The following MVK variants were observed in gnomAD, a reference collection of about 807,000 sequenced individuals.
MVK encodes the protein mevalonate kinase.
A neutral mutation model predicts 43.2 loss-of-function variants in MVK; 34 were observed. The ratio of observed to expected loss-of-function variants is 0.79; its 90% CI spans 0.60 to 1.05. The LOEUF (loss-of-function observed/expected upper bound fraction) is 1.05. MVK is among the 50% of genes least tolerant of loss of function. MVK has a pLI of 0.00. For missense variants in MVK, 395 were observed against 504.0 expected, an observed-to-expected ratio of 0.78 and a Z score of 2.07; for synonymous variants, 190 against 219.8, an observed-to-expected ratio of 0.86 and a Z score of 1.20.
chr12:109,586,277 A>G, intron 6 of MVK, 152 bp downstream of exon 6: 1 of 734,136 alleles, frequency 1.4e-6, no homozygotes, highest in Non-Finnish European at 2.3e-6. Flanking sequence ...GAATGGGGAG[A>G]AATCTTGGGG....
chr12:109,587,137 G>A (rs555698548), intron 7 of MVK: 31 of 352,100 alleles, frequency 8.8e-5, no homozygotes, highest in Non-Finnish European at 1.3e-4. Flanking sequence ...TGCTGCACTG[G>A]GGCGTAGGAA....
In MVK at chr12:109,576,072, C is replaced by G. The variant is rs1207622143; in HGVS notation, c.153C>G (p.Leu51=). 6.2e-7 allele frequency: 1 copy of G among 1,614,072 alleles called. No individual in the cohort carries two copies. Among genetic ancestry groups the G allele is most frequent in the Non-Finnish European group, 8.5e-7 (1 of 1,180,022 alleles). ...CCCACAGCAATGGGAAAGTGGACCT[C>G]AGCTTACCCAACATTGGTATCAAGC... ...LQPHSNGKVD[L]SLPNIGIKRA... The change falls in exon 3 of 11, where the codon CTC becomes CTG. Residue 51 remains leucine (L), a synonymous_variant. Coordinates refer to ENST00000228510, the MANE Select transcript of MVK (RefSeq NM_000431.4).
rs537397578 is a variant in MVK at position 109,583,001 on chromosome 12, C to T, written c.527+1451C>T. On this transcript the variant is annotated intron_variant, in intron 5 of 10. Transcript: ENST00000228510. ...AGCAATTCAGCCCATCGTACTCTTA[C>T]AGAAACACCTGGTTTGTTTTTGTTT... Among the ~76,000 whole-genome samples the T allele has an allele frequency of 2.2e-4, 33 of 152,296 alleles. No homozygotes were observed. In the East Asian group the frequency reaches 5.2e-3, roughly 24 times the overall value.
intron 3 of MVK, 87 bp downstream of exon 3, chr12:109,576,232 C>T: frequency 6.5e-7 from 1 of 1,546,192 alleles, no homozygotes; most frequent in Non-Finnish European, 8.9e-7. Flanking sequence ...CCAAGGGAGC[C>T]AGGGGCCAGC....
chr12:109,586,054 A>C lies in MVK; in HGVS notation c.560A>C (p.Lys187Thr). Residue 187 changes from lysine to threonine, a missense_variant, in exon 6 of 11, where the codon AAG (lysine) becomes ACG (threonine). Coordinates refer to ENST00000228510, the MANE Select transcript of MVK (RefSeq NM_000431.4). ...AAGGAGGATTTGGAGCTAATTAACA[A>C]GTGGGCCTTCCAAGGGGAGAGAATG... is the stretch of plus-strand genomic sequence containing the variant. ...WTKEDLELIN[K>T]WAFQGERMIH... 1 of 1,614,178 alleles carries C rather than the reference A, an allele frequency of 6.2e-7. No homozygotes were observed. The highest frequency in any genetic ancestry group is 8.5e-7 in the Non-Finnish European group (1 of 1,180,014).
At chr12:109,585,279 C>T (rs992229025) in intron 5 of MVK, among the ~76,000 whole-genome samples, 2 of 152,078 alleles carry the variant, frequency 1.3e-5, no homozygotes, top group African/African-American at 4.8e-5. Flanking sequence ...ACACCTCTGC[C>T]CGTTCTTCTT....
At chr12:109,577,384 C>T (rs928218746) in intron 3 of MVK, among the ~76,000 whole-genome samples, 2 of 152,196 alleles carry the variant, frequency 1.3e-5, no homozygotes, top group African/African-American at 4.8e-5. Context: ...TTTCCTTACA[C>T]TGCACCTGAA....
intron 4 of MVK, among the ~76,000 whole-genome samples, chr12:109,580,539 G>A (rs1484677489): frequency 6.6e-6 from 1 of 152,150 alleles, no homozygotes. Flanking sequence ...GGACACATTC[G>A]GAAACGGCCT....
chr12:109,585,208 T>G (rs1217371748), intron 5 of MVK, among the ~76,000 whole-genome samples: 1 of 152,200 alleles, frequency 6.6e-6, no homozygotes, highest in Non-Finnish European at 1.5e-5. Context: ...CTGGGGCTCC[T>G]GGGATTTGAA....
In MVK at chr12:109,574,816, A is replaced by G; in HGVS notation, c.-7A>G. On this transcript the variant is annotated 5_prime_UTR_variant, in exon 2 of 11. Transcript: ENST00000228510. ...ATTGGCTTTCCCTTTTAGGATTCCC[A>G]GGAGCCATGTTGTCAGAAGTCCTAC... is the stretch of plus-strand genomic sequence containing the variant. 6.3e-7 allele frequency: 1 copy of G among 1,596,276 alleles called. No individual in the cohort carries two copies. Among genetic ancestry groups the G allele is most frequent in the Non-Finnish European group, 8.5e-7 (1 of 1,170,494 alleles).
chr12:109,589,527 G>T (rs985886452), intron 7 of MVK: 1 of 151,920 alleles, frequency 6.6e-6, no homozygotes. Context: ...CCCTTTTGAG[G>T]AATGGCTTGT....
Position 109,574,542 on chromosome 12 carries a change from TA to T in MVK, c.-14-265del, listed in dbSNP as rs1451051284. 3.3e-5 allele frequency among the ~76,000 whole-genome samples: 5 copies of T among 152,202 alleles called. No homozygotes were observed. In the South Asian group the frequency reaches 1.0e-3, roughly 32 times the overall value. On this transcript the variant is annotated intron_variant, in intron 1 of 10. Transcript: ENST00000228510. ...TAGGTACGGTTATTTTCTCTCCATA[TA>T]ACGTGTGGGGAAACCGAGGTTCTTA...
intron 9 of MVK, among the ~76,000 whole-genome samples, chr12:109,593,253 T>C (rs1190268137): frequency 1.3e-5 from 2 of 152,234 alleles, no homozygotes; most frequent in African/African-American, 4.8e-5. Context: ...CACCAGGCCA[T>C]CATGCCTGTC....
At chr12:109,578,978 T>C (rs2136223124) in intron 3 of MVK, among the ~76,000 whole-genome samples, 1 of 152,318 alleles carries the variant, frequency 6.6e-6, no homozygotes, top group South Asian at 2.1e-4. Flanking sequence ...CTATTCCTGA[T>C]GATTATCTTT....
rs1257993182 is a variant in MVK, at chr12:109,582,929, G to T, written c.527+1379G>T. On this transcript the variant is annotated intron_variant, in intron 5 of 10. Transcript: ENST00000228510. Reference sequence around the variant, plus strand: ...GCACCCCACACACACACCTTGCCCAGCTGGCTCCCCTTGTCCTTCAGGCAC... The same window carrying T: ...GCACCCCACACACACACCTTGCCCATCTGGCTCCCCTTGTCCTTCAGGCAC... 4.6e-5 allele frequency among the ~76,000 whole-genome samples: 7 copies of T among 152,086 alleles called. No homozygotes were observed. The East Asian group carries it at 9.6e-4, about 21-fold the overall frequency.
Position 109,590,779 on chromosome 12 carries a change from C to T in MVK, c.686C>T (p.Ala229Val). The T allele has an allele frequency of 1.9e-6, 3 of 1,614,186 alleles. No homozygotes were observed. In the South Asian group the frequency reaches 3.3e-5, roughly 18 times the overall value. Reference protein sequence around the residue: ...GKISSLKRSPALQILLTNTKV... With the variant: ...GKISSLKRSPVLQILLTNTKV... ...TCCTCTTCACCCTGCAGGTCGCCAGCTCTCCAGATCCTGCTGACCAACACC... is the reference window on the plus strand; with the variant it reads ...TCCTCTTCACCCTGCAGGTCGCCAGTTCTCCAGATCCTGCTGACCAACACC... Residue 229 changes from alanine (A) to valine (V), a missense_variant, in exon 8 of 11, where the codon GCT (alanine) becomes GTT (valine). Physicochemically the swap from Ala to Val is moderately conservative, Grantham distance 64 (BLOSUM62 0). Transcript: ENST00000228510.
At chr12:109,581,283 T>G in intron 4 of MVK, 112 bp from the exon 5 acceptor site, 77 of 1,393,840 alleles carry the variant, frequency 5.5e-5, no homozygotes, top group Non-Finnish European at 7.0e-5. Context: ...CTCCCCCAGT[T>G]GAGAAAACTG....
At chr12:109,585,661 C>T (rs1488946742) in intron 5 of MVK, among the ~76,000 whole-genome samples, 1 of 151,974 alleles carries the variant, frequency 6.6e-6, no homozygotes, top group Non-Finnish European at 1.5e-5. Context: ...CCCAGCTGCT[C>T]GGGAGGCTGA....
chr12:109,597,046 G>A lies in MVK; in HGVS notation c.*469G>A, dbSNP rs1885952791. ...AGGAAGCCTTCCCCTACCCCTTGTC[G>A]CCCCTCCCTCCCAGAGCACCTGCTG... On this transcript the variant is annotated 3_prime_UTR_variant, in exon 11 of 11. Transcript: ENST00000228510. The A allele has an allele frequency of 4.4e-6, 1 of 225,308 alleles. No homozygotes were observed. The highest frequency in any genetic ancestry group is 9.0e-6 in the Non-Finnish European group (1 of 110,744). 14.0% of individuals were successfully genotyped at this position (225,308 alleles called of 1,614,324 possible).
Sources: gnomAD v4.1 joint callset for allele counts (sites outside exome capture counted in the v4.1 genomes callset) on GRCh38, gnomAD v4.1.1 for gene constraint, MANE v1.5 for transcripts, NCBI Gene and HGNC (gene_info 2026-07-23, HGNC 2026-07-21) for gene names.